The following GRIK2 variants were observed in gnomAD, a reference collection of about 807,000 sequenced individuals.
GRIK2 encodes the protein glutamate receptor ionotropic, kainate 2.
In GRIK2, 32 loss-of-function variants were observed where a neutral mutation model predicts 100.3. The observed-to-expected ratio is 0.32, with a 90% CI of 0.24 to 0.43. The LOEUF is 0.43. GRIK2 is among the 20% of genes least tolerant of loss of function. The pLI is 1.00. For missense variants in GRIK2, 843 were observed against 1,114.9 expected (o/e 0.76, Z 3.47); for synonymous variants, 417 against 389.4 (o/e 1.07, Z -0.83).
At chr6:101,599,958 A>G (rs1033579463) in intron 2 of GRIK2, among the ~76,000 whole-genome samples, 1 of 151,702 alleles carries the variant, frequency 6.6e-6, no homozygotes, top group Non-Finnish European at 1.5e-5. Flanking sequence ...TTGAGGACCT[A>G]ATCATAAGTT....
intron 11 of GRIK2, among the ~76,000 whole-genome samples, chr6:101,879,843 G>A (rs1375440880): frequency 6.6e-6 from 1 of 151,712 alleles, no homozygotes; most frequent in African/African-American, 2.4e-5. Context: ...ACTTTCAAAT[G>A]GAAAGTGAGG....
chr6:101,899,505 T>G (rs1787701770), intron 12 of GRIK2, among the ~76,000 whole-genome samples: 1 of 152,110 alleles, frequency 6.6e-6, no homozygotes, highest in Admixed American at 6.5e-5. Context: ...CTTTCAGTTT[T>G]AATACCTTCT....
intron 12 of GRIK2, among the ~76,000 whole-genome samples, chr6:101,895,429 G>T (rs770739864): frequency 1.1e-4 from 17 of 151,628 alleles, no homozygotes; most frequent in African/African-American, 2.7e-4. Flanking sequence ...CTGTTTGATG[G>T]TTGAACTGAC....
intron 15 of GRIK2, among the ~76,000 whole-genome samples, chr6:102,036,229 A>AC: frequency 7.3e-6 from 1 of 137,438 alleles, no homozygotes; most frequent in Middle Eastern, 3.5e-3. Context: ...TGCCGTAAGT[A>AC]AACACACACA....
At chr6:101,680,809 T>C (rs1771185429) in intron 5 of GRIK2, among the ~76,000 whole-genome samples, 1 of 152,188 alleles carries the variant, frequency 6.6e-6, no homozygotes, top group African/African-American at 2.4e-5. Context: ...TGTAAATTTG[T>C]ATTTAATAAG....
chr6:101,593,047 A>C (rs1778750227), intron 2 of GRIK2, among the ~76,000 whole-genome samples: 1 of 151,874 alleles, frequency 6.6e-6, no homozygotes, highest in Non-Finnish European at 1.5e-5. Context: ...GAACAGTTGG[A>C]GATAAGGCTG....
chr6:101,879,532 T>C (rs1786098061), intron 11 of GRIK2, among the ~76,000 whole-genome samples: 1 of 151,994 alleles, frequency 6.6e-6, no homozygotes, highest in East Asian at 1.9e-4. Context: ...GACTCTATGC[T>C]TCTTGGGTTC....
intron 7 of GRIK2, among the ~76,000 whole-genome samples, chr6:101,749,400 C>T (rs966708930): frequency 3.9e-5 from 6 of 152,102 alleles, no homozygotes; most frequent in South Asian, 2.1e-4. Flanking sequence ...TGAACCACCA[C>T]GCCTGGCCAG....
chr6:101,668,732 G>A lies in GRIK2; in HGVS notation c.542-7891G>A, dbSNP rs192487794. On this transcript the variant is annotated intron_variant, in intron 4 of 16. Coordinates refer to ENST00000369134, the MANE Select transcript of GRIK2 (RefSeq NM_021956.5). ...AGGTGGCAAATCACTAGTTTGTGTA[G>A]CTGCCAAAATGGATACCTGGGTATG... Among the ~76,000 whole-genome samples the A allele has an allele frequency of 2.0e-5, 3 of 152,274 alleles. No homozygotes were observed. In the East Asian group the frequency reaches 5.8e-4, roughly 29 times the overall value.
intron 2 of GRIK2, among the ~76,000 whole-genome samples, chr6:101,583,238 A>C (rs996078948): frequency 2.6e-5 from 4 of 152,122 alleles, no homozygotes; most frequent in African/African-American, 4.8e-5. Flanking sequence ...TGGAGGGATA[A>C]TTAGTCAAAA....
chr6:101,748,754 A>G (rs1051524846), intron 7 of GRIK2, among the ~76,000 whole-genome samples: 91 of 152,270 alleles, frequency 6.0e-4, no homozygotes, highest in African/African-American at 2.1e-3. Flanking sequence ...ATCACTCAAA[A>G]TATATGTACA....
At chr6:101,415,241 C>T (rs1228059566) in intron 2 of GRIK2, among the ~76,000 whole-genome samples, 2 of 151,792 alleles carry the variant, frequency 1.3e-5, no homozygotes, top group African/African-American at 4.8e-5. Flanking sequence ...ATAAATATCA[C>T]CCATTATCTC....
At chr6:101,670,081 T>C (rs1026762244) in intron 4 of GRIK2, among the ~76,000 whole-genome samples, 1 of 152,088 alleles carries the variant, frequency 6.6e-6, no homozygotes, top group Non-Finnish European at 1.5e-5. Flanking sequence ...ATTGAAATAG[T>C]AAGCCATTTT....
rs554500133 is a variant in GRIK2, at chr6:101,826,579, G to A, written c.1317+8096G>A. Among the ~76,000 whole-genome samples the A allele has an allele frequency of 1.3e-3, 192 of 152,082 alleles. 1 individual carries two copies. The highest frequency in any genetic ancestry group is 3.6e-3 in the African/African-American group (149 of 41,526). ...GAGATGAAATGCTGTTTGGAGATTA[G>A]CTAATAGGTACAGTCTCCTTTCCCA... On this transcript the variant is annotated intron_variant, in intron 10 of 16. Transcript: ENST00000369134.
At chr6:101,782,276 T>C (rs768434712) in intron 7 of GRIK2, among the ~76,000 whole-genome samples, 86 of 152,326 alleles carry the variant, frequency 5.6e-4, no homozygotes, top group South Asian at 2.1e-3. Flanking sequence ...CCTACTCTGC[T>C]ATCAAATATT....
intron 4 of GRIK2, among the ~76,000 whole-genome samples, chr6:101,667,296 A>G (rs1770101253): frequency 6.6e-6 from 1 of 152,160 alleles, no homozygotes; most frequent in Non-Finnish European, 1.5e-5. Flanking sequence ...GGAAGTTTAC[A>G]AATGGGAGTG....
intron 2 of GRIK2, among the ~76,000 whole-genome samples, chr6:101,495,497 C>T (rs1046270361): frequency 6.3e-4 from 96 of 152,062 alleles, no homozygotes; most frequent in Admixed American, 1.1e-3. Context: ...TAGAGCAAGA[C>T]TCCGTCTCAA....
At chr6:101,635,503 A>G (rs1332543186) in intron 4 of GRIK2, among the ~76,000 whole-genome samples, 1 of 152,172 alleles carries the variant, frequency 6.6e-6, no homozygotes, top group Non-Finnish European at 1.5e-5. Context: ...AGATTGACTA[A>G]TGGGATCTAA....
At chr6:102,052,940 C>T (rs1261557818) in intron 15 of GRIK2, among the ~76,000 whole-genome samples, 1 of 151,970 alleles carries the variant, frequency 6.6e-6, no homozygotes, top group Admixed American at 6.6e-5. Flanking sequence ...AGGTGGCGGG[C>T]ACCTGTCATC....
Sources: gnomAD v4.1 joint callset for allele counts (sites outside exome capture counted in the v4.1 genomes callset) on GRCh38, gnomAD v4.1.1 for gene constraint, MANE v1.5 for transcripts, NCBI Gene and HGNC (gene_info 2026-07-23, HGNC 2026-07-21) for gene names.